PARVB: variants seen among roughly 807,000 people sequenced by gnomAD.
PARVB encodes parvin beta.
A neutral mutation model predicts 47.0 loss-of-function variants in PARVB; 46 were observed. That is an observed-to-expected ratio of 0.98 (90% confidence interval 0.77 to 1.25). PARVB has a LOEUF of 1.25. Ranked by LOEUF, PARVB falls within the 50% of genes most tolerant of loss-of-function variation. The pLI is 0.00. For missense variants in PARVB, 473 were observed against 471.6 expected, an observed-to-expected ratio of 1.00 and a Z score of -0.03; for synonymous variants, 196 against 196.3, an observed-to-expected ratio of 1.00 and a Z score of 0.01.
At chr22:44,163,201 G>A (rs775319670) in intron 11 of PARVB, among the ~76,000 whole-genome samples, 4 of 152,218 alleles carry the variant, frequency 2.6e-5, no homozygotes, top group African/African-American at 7.2e-5. Context: ...CAGGCGCAGC[G>A]GCTCACGCCT....
intron 3 of PARVB, chr22:44,108,649 G>T (rs930693898): frequency 6.6e-6 from 1 of 152,156 alleles, no homozygotes; most frequent in East Asian, 1.9e-4. Flanking sequence ...AAAGGGGGTT[G>T]TTCTCTGGTG....
intron 1 of PARVB, chr22:44,026,426 C>T: frequency 1.2e-6 from 1 of 812,924 alleles, no homozygotes; most frequent in Non-Finnish European, 1.5e-6. Context: ...GCCTGGCAAA[C>T]AGAGGGCCAC....
upstream of PARVB, among the ~76,000 whole-genome samples, chr22:44,019,795 C>T (rs1218857380): frequency 1.3e-5 from 2 of 152,174 alleles, no homozygotes; most frequent in East Asian, 3.8e-4. Context: ...GACCCACACA[C>T]CCCCCATCAG....
chr22:44,008,747 A>G (rs1339662479), intron 2 of PARVB, among the ~76,000 whole-genome samples: 1 of 151,908 alleles, frequency 6.6e-6, no homozygotes, highest in East Asian at 1.9e-4. Context: ...GCGCTTTGAG[A>G]GGCCGAGGCA....
intron 1 of PARVB, among the ~76,000 whole-genome samples, chr22:44,063,595 G>A (rs951255448): frequency 1.3e-4 from 20 of 152,116 alleles, no homozygotes; most frequent in African/African-American, 3.6e-4. Flanking sequence ...CCTCAGCGTC[G>A]TGGTTTAGAG....
chr22:44,088,264 C>G (rs149536934), intron 1 of PARVB, among the ~76,000 whole-genome samples: 1 of 152,120 alleles, frequency 6.6e-6, no homozygotes, highest in South Asian at 2.1e-4. Context: ...AGTTACATGG[C>G]TGTGTGGCTT....
At chr22:44,031,167 AAAG>A (rs2050819473) in intron 1 of PARVB, among the ~76,000 whole-genome samples, 1 of 152,142 alleles carries the variant, frequency 6.6e-6, no homozygotes, top group Non-Finnish European at 1.5e-5. Context: ...TCCAAGAAGG[AAAG>A]GCACAGTGAG....
At chr22:44,146,437 C>G (rs909849) in intron 8 of PARVB, 1 of 152,222 alleles carries the variant, frequency 6.6e-6, no homozygotes, top group Non-Finnish European at 1.5e-5. Flanking sequence ...CATGCTCACA[C>G]GCGCACACAC....
intron 2 of PARVB, among the ~76,000 whole-genome samples, chr22:44,098,837 T>A (rs7289436): frequency 0.024 from 3,728 of 152,200 alleles, 159 homozygotes; most frequent in African/African-American, 0.084. Context: ...TATTTTATTA[T>A]TTTATTTATT....
intron 4 of PARVB, among the ~76,000 whole-genome samples, chr22:44,128,071 C>G (rs373071476): frequency 6.6e-6 from 1 of 152,220 alleles, no homozygotes; most frequent in Admixed American, 6.5e-5. Context: ...GGATGAGCCA[C>G]TACACCCAGC....
chr22:44,113,091 G>T (rs62227677), intron 3 of PARVB: 1 of 12,242 alleles, frequency 8.2e-5, no homozygotes, highest in East Asian at 2.9e-3. Context: ...ACACAGATAC[G>T]TTGTTACTAA....
intron 12 of PARVB, among the ~76,000 whole-genome samples, chr22:44,165,435 G>A (rs1055449628): frequency 6.6e-6 from 1 of 152,238 alleles, no homozygotes; most frequent in African/African-American, 2.4e-5. Context: ...GCGAGCTGCT[G>A]CCTGTAGATA....
intron 4 of PARVB, among the ~76,000 whole-genome samples, chr22:44,130,777 A>G (rs1167651158): frequency 2.0e-5 from 3 of 152,002 alleles, no homozygotes; most frequent in Non-Finnish European, 4.4e-5. Flanking sequence ...CCTCTCAACT[A>G]CATCTTATTA....
chr22:44,031,032 T>C (rs1306741380), intron 1 of PARVB, among the ~76,000 whole-genome samples: 3 of 152,138 alleles, frequency 2.0e-5, no homozygotes, highest in African/African-American at 7.2e-5. Context: ...TATTTGGAGC[T>C]GTTGTGTTGT....
chr22:44,133,378 G>A (rs998919401), intron 6 of PARVB, among the ~76,000 whole-genome samples: 3 of 152,132 alleles, frequency 2.0e-5, no homozygotes, highest in Non-Finnish European at 4.4e-5. Context: ...AATTAAAGCC[G>A]CTTTGCATTC....
chr22:44,161,308 CTTTTTTT>C (rs769442547), intron 11 of PARVB, among the ~76,000 whole-genome samples: 1 of 128,716 alleles, frequency 7.8e-6, no homozygotes, highest in Non-Finnish European at 1.6e-5. Context: ...TTTTTCTTTT[CTTTTTTT>C]TTTTTTTTTG....
chr22:44,154,573 TGTG>T (rs1483905081), intron 10 of PARVB, among the ~76,000 whole-genome samples: 1 of 141,386 alleles, frequency 7.1e-6, no homozygotes, highest in Non-Finnish European at 1.5e-5. Flanking sequence ...TGTAGTCTGG[TGTG>T]TGTGTGTGTG....
rs898445585 is a variant in PARVB, at chr22:44,172,662, A to G, written c.*3984A>G. 2 of 248,200 alleles carry G rather than the reference A, an allele frequency of 8.1e-6. No individual in the cohort carries two copies. The highest frequency in any genetic ancestry group is 4.7e-5 in the African/African-American group (2 of 42,386). The allele number at this position is 248,200 out of a possible 1,614,324, so 15.4% of individuals were successfully genotyped here. ...CAAAGAGCAATTTTATTTTAAAGCA[A>G]CTGAATCCTTTCCCCCTGTTTTGTG... is the stretch of plus-strand genomic sequence containing the variant. On this transcript the variant is annotated 3_prime_UTR_variant, in exon 13 of 13. Coordinates refer to ENST00000338758, the MANE Select transcript of PARVB (RefSeq NM_013327.5).
At chr22:44,135,514 C>T (rs1274250535) in intron 6 of PARVB, among the ~76,000 whole-genome samples, 1 of 152,166 alleles carries the variant, frequency 6.6e-6, no homozygotes, top group Admixed American at 6.5e-5. Flanking sequence ...GCCTTGGCCT[C>T]CCAAAGTGCT....
Sources: gnomAD v4.1 joint callset for allele counts (sites outside exome capture counted in the v4.1 genomes callset) on GRCh38, gnomAD v4.1.1 for gene constraint, MANE v1.5 for transcripts, NCBI Gene and HGNC (gene_info 2026-07-23, HGNC 2026-07-21) for gene names.